BTBD7: variants seen among roughly 807,000 people sequenced by gnomAD.
BTBD7 encodes BTB/POZ domain-containing protein 7.
A neutral mutation model predicts 99.9 loss-of-function variants in BTBD7; 38 were observed. The ratio of observed to expected loss-of-function variants is 0.38; its 90% CI spans 0.29 to 0.50. The LOEUF (loss-of-function observed/expected upper bound fraction) is 0.50. Ranked by LOEUF, BTBD7 falls within the 20% of genes least tolerant of loss-of-function variation. The pLI, the probability that BTBD7 is intolerant of heterozygous loss-of-function variation, is 0.93. For synonymous variants in BTBD7, 520 were observed against 511.4 expected (o/e 1.02, Z -0.23); for missense variants, 1,170 against 1,394.6 (o/e 0.84, Z 2.57).
rs565738871 is a variant in BTBD7 at position 93,290,881 on chromosome 14, C to T, written c.1162+2977G>A. Among the ~76,000 whole-genome samples the T allele has an allele frequency of 2.6e-5, 4 of 151,392 alleles. No individual in the cohort carries two copies. The South Asian group carries it at 6.3e-4, about 24-fold the overall frequency. ...GTATTTTTTGGTAGAGATGGGGTTTCACCATGTTGGTCAAGCTGGTCTTAA... is the reference window on the plus strand; with the variant it reads ...GTATTTTTTGGTAGAGATGGGGTTTTACCATGTTGGTCAAGCTGGTCTTAA... On this transcript the variant is annotated intron_variant, in intron 3 of 10. Coordinates refer to ENST00000334746, the MANE Select transcript of BTBD7 (RefSeq NM_001002860.4).
rs140710286 is a variant in BTBD7, at chr14:93,254,068, G to A, written c.1609-278C>T. Among the ~76,000 whole-genome samples, 1,432 of 151,878 alleles carry A rather than the reference G, an allele frequency of 9.4e-3. 10 individuals carry two copies. Among genetic ancestry groups the A allele is most frequent in the Middle Eastern group, 0.014 (4 of 294 alleles). On this transcript the variant is annotated intron_variant, in intron 6 of 10. Transcript: ENST00000334746. The stretch of plus-strand genomic sequence containing the variant: ...TTCTCCTGCCTCAGCCTCCCGAGTA[G>A]CTGGGATTACAGGCACTCACCACCA...
intron 1 of BTBD7, among the ~76,000 whole-genome samples, chr14:93,324,414 CCT>C (rs2053303933): frequency 3.0e-5 from 2 of 67,758 alleles, no homozygotes; most frequent in Non-Finnish European, 5.5e-5. Context: ...AGAGCGAGAC[CCT>C]GTCTCAAAAA....
chr14:93,314,944 A>T (rs2053181486), intron 1 of BTBD7, among the ~76,000 whole-genome samples: 1 of 152,040 alleles, frequency 6.6e-6, no homozygotes, highest in African/African-American at 2.4e-5. Context: ...CAAATTTGCA[A>T]CATTTTCTAT....
rs2052218231 is a variant in BTBD7, at chr14:93,240,908, C to T, written c.*1365G>A. The T allele has an allele frequency of 6.6e-6, 1 of 152,570 alleles. No individual in the cohort carries two copies. Among genetic ancestry groups the T allele is most frequent in the Admixed American group, 6.5e-5 (1 of 15,276 alleles). The allele number at this position is 152,570 out of a possible 1,614,324, so 9.5% of individuals were successfully genotyped here. A position where few individuals can be genotyped will look rare whatever the true frequency, so the allele number is the denominator to read the frequency against. ...TTCCTTTTTTCTGTTGGTGAGAAAG[C>T]ATTATGCATTACACAACACCAAAAT... On this transcript the variant is annotated 3_prime_UTR_variant, in exon 11 of 11. Transcript: ENST00000334746.
intron 2 of BTBD7, 139 bp from the exon 3 acceptor site, chr14:93,295,076 G>T: frequency 1.2e-6 from 1 of 824,320 alleles, no homozygotes; most frequent in Non-Finnish European, 1.8e-6. Context: ...TATAAAGGAA[G>T]ACAAAAAGTT....
In BTBD7 at chr14:93,263,768, G is replaced by A. The variant is rs2052513644; in HGVS notation, c.1371+17C>T. ...CACATATGAATGACAGAGTTTGAGA[G>A]GTGTTTAAATGATTACCTGTAGGTA... On this transcript the variant is annotated intron_variant, in intron 4 of 10. Transcript: ENST00000334746. 6.3e-7 allele frequency: 1 copy of A among 1,598,184 alleles called. No individual in the cohort carries two copies. The highest frequency in any genetic ancestry group is 1.3e-5 in the African/African-American group (1 of 74,550).
At chr14:93,266,486 G>C (rs1279281804) in intron 3 of BTBD7, among the ~76,000 whole-genome samples, 1 of 146,712 alleles carries the variant, frequency 6.8e-6, no homozygotes, top group African/African-American at 2.4e-5. Flanking sequence ...GCCTCTTCAC[G>C]AGGCAGAGGA....
At chr14:93,289,512 T>C (rs1314684630) in intron 3 of BTBD7, among the ~76,000 whole-genome samples, 1 of 152,214 alleles carries the variant, frequency 6.6e-6, no homozygotes, top group Non-Finnish European at 1.5e-5. Flanking sequence ...AGGCTGCTCC[T>C]CTGTTAAGCC....
intron 1 of BTBD7, among the ~76,000 whole-genome samples, chr14:93,331,587 G>T (rs1388505663): frequency 1.3e-5 from 2 of 152,204 alleles, no homozygotes; most frequent in Non-Finnish European, 2.9e-5. Flanking sequence ...ACAAAAGATT[G>T]TTAGTTGACC....
chr14:93,290,634 C>T (rs2052840485), intron 3 of BTBD7, among the ~76,000 whole-genome samples: 1 of 151,204 alleles, frequency 6.6e-6, no homozygotes, highest in Admixed American at 6.6e-5. Context: ...TCTCATGCCT[C>T]AGCCTCCTGG....
intron 3 of BTBD7, chr14:93,288,163 T>C (rs2052803150): frequency 4.2e-6 from 1 of 237,410 alleles, no homozygotes; most frequent in Non-Finnish European, 8.0e-6. Flanking sequence ...CCCAGTGTTC[T>C]GAAAAAGAAA....
chr14:93,243,499 G>T (rs552530101), intron 10 of BTBD7, among the ~76,000 whole-genome samples: 3 of 152,172 alleles, frequency 2.0e-5, no homozygotes, highest in Admixed American at 1.3e-4. Flanking sequence ...GGCTGAATTT[G>T]TAAGAATTAT....
At chr14:93,297,485 G>A (rs1460435095) in intron 1 of BTBD7, among the ~76,000 whole-genome samples, 1 of 152,038 alleles carries the variant, frequency 6.6e-6, no homozygotes, top group Non-Finnish European at 1.5e-5. Context: ...ATCATGCCTG[G>A]CTAATATTTG....
chr14:93,326,279 C>A (rs988099066), intron 1 of BTBD7, among the ~76,000 whole-genome samples: 2 of 152,104 alleles, frequency 1.3e-5, no homozygotes, highest in African/African-American at 4.8e-5. Flanking sequence ...CCAGCCTGGG[C>A]AGCACAGTGA....
At chr14:93,281,813 T>C (rs912914139) in intron 3 of BTBD7, among the ~76,000 whole-genome samples, 6 of 152,214 alleles carry the variant, frequency 3.9e-5, no homozygotes, top group Non-Finnish European at 8.8e-5. Context: ...CTTTCTGATA[T>C]GTTTCTGTAT....
chr14:93,320,833 G>A (rs145223909), intron 1 of BTBD7, among the ~76,000 whole-genome samples: 1 of 152,018 alleles, frequency 6.6e-6, no homozygotes, highest in African/African-American at 2.4e-5. Context: ...TCTGTAATTT[G>A]TTAAAAGGTT....
intron 3 of BTBD7, 37 bp from the exon 4 acceptor site, chr14:93,264,030 T>C (rs1595296575): frequency 6.4e-7 from 1 of 1,559,664 alleles, no homozygotes; most frequent in Non-Finnish European, 8.8e-7. Flanking sequence ...AGATTAATCA[T>C]AAATATTACT....
intron 1 of BTBD7, among the ~76,000 whole-genome samples, chr14:93,314,130 G>C (rs1212270129): frequency 6.6e-6 from 1 of 152,092 alleles, no homozygotes; most frequent in African/African-American, 2.4e-5. Context: ...TGCATAGTAA[G>C]CAAGGTCTGA....
At chr14:93,283,815 G>C (rs1485716620) in intron 3 of BTBD7, among the ~76,000 whole-genome samples, 3 of 152,190 alleles carry the variant, frequency 2.0e-5, no homozygotes, top group African/African-American at 2.4e-5. Context: ...GCCTCTGAAA[G>C]TGCTGGGATT....
Sources: gnomAD v4.1 joint callset for allele counts (sites outside exome capture counted in the v4.1 genomes callset) on GRCh38, gnomAD v4.1.1 for gene constraint, MANE v1.5 for transcripts, NCBI Gene and HGNC (gene_info 2026-07-23, HGNC 2026-07-21) for gene names.